The following EVI5 variants were observed in gnomAD, a reference collection of about 807,000 sequenced individuals.
EVI5 encodes the protein ecotropic viral integration site 5.
EVI5 carries 73 observed loss-of-function variants against 112.0 expected under a neutral mutation model. The observed-to-expected ratio is 0.65, with a 90% CI of 0.54 to 0.79. The LOEUF is 0.79. EVI5 is among the 30% of genes least tolerant of loss of function. The pLI, the probability that EVI5 is intolerant of heterozygous loss-of-function variation, is 0.00. For synonymous variants in EVI5, 305 were observed against 319.9 expected (o/e 0.95, Z 0.50); for missense variants, 900 against 968.8 (o/e 0.93, Z 0.94).
intron 2 of EVI5, 100 bp from the exon 3 acceptor site, chr1:92,704,844 T>C (rs1418203646): frequency 2.2e-6 from 1 of 454,902 alleles, no homozygotes; most frequent in Non-Finnish European, 3.8e-6. Flanking sequence ...TTAACCATTG[T>C]TTTAAAATAT....
chr1:92,701,560 T>G (rs1671149381), intron 5 of EVI5, among the ~76,000 whole-genome samples: 1 of 152,114 alleles, frequency 6.6e-6, no homozygotes, highest in Admixed American at 6.5e-5. Context: ...GCTGAAGAGA[T>G]AATACTATAT....
intron 19 of EVI5, among the ~76,000 whole-genome samples, chr1:92,518,282 A>C (rs1660298454): frequency 6.6e-6 from 1 of 152,196 alleles, no homozygotes; most frequent in African/African-American, 2.4e-5. Flanking sequence ...GCAACAACAA[A>C]AATTTTTTGT....
In EVI5 at chr1:92,607,660, T is replaced by G; in HGVS notation, c.1895A>C (p.Gln632Pro). The G allele has an allele frequency of 6.2e-7, 1 of 1,606,348 alleles. No individual in the cohort carries two copies. Among genetic ancestry groups the G allele is most frequent in the Non-Finnish European group, 8.5e-7 (1 of 1,175,576 alleles). The stretch of plus-strand genomic sequence containing the variant: ...TCCTTTGTTCTGTGCAGAAAGATAC[T>G]GCACTTTCTCCTGTAGGCTAATCAC... ...QEVISLQEKV[Q>P]YLSAQNKGLL... Residue 632 changes from glutamine (Q) to proline (P), a missense_variant, in exon 17 of 20, where the codon CAG becomes CCG. Gln to Pro is a moderately conservative substitution (Grantham distance 76). Transcript: ENST00000684568.
chr1:92,609,050 T>TA (rs1230288319), intron 16 of EVI5, among the ~76,000 whole-genome samples: 6 of 152,162 alleles, frequency 3.9e-5, no homozygotes, highest in East Asian at 1.9e-4. Context: ...CAGAATGTGC[T>TA]AAAAAAACAT....
intron 14 of EVI5, among the ~76,000 whole-genome samples, chr1:92,634,041 G>GA (rs1328971637): frequency 6.6e-6 from 1 of 152,216 alleles, no homozygotes; most frequent in East Asian, 1.9e-4. Context: ...TTTCTGCTGA[G>GA]AGATCAGCTG....
At chr1:92,561,083 A>C (rs1668454829) in intron 19 of EVI5, among the ~76,000 whole-genome samples, 1 of 152,154 alleles carries the variant, frequency 6.6e-6, no homozygotes, top group Non-Finnish European at 1.5e-5. Flanking sequence ...GAAATGTTTA[A>C]GTGACCAGGT....
rs183655308 is a variant in EVI5, at chr1:92,598,371, A to G, written c.2070+6936T>C. Among the ~76,000 whole-genome samples, 109 of 152,288 alleles carry G rather than the reference A, an allele frequency of 7.2e-4. 1 individual carries two copies. Among genetic ancestry groups the G allele is most frequent in the South Asian group, 4.1e-3 (20 of 4,822 alleles). On this transcript the variant is annotated intron_variant, in intron 18 of 19. Coordinates refer to ENST00000684568, the MANE Select transcript of EVI5 (RefSeq NM_001350197.2). Reference sequence around the variant, plus strand: ...GACATGTGTTTATCTACAAACCTTCACATGTACCCCCACATCTAAAATTTA... The same window carrying G: ...GACATGTGTTTATCTACAAACCTTCGCATGTACCCCCACATCTAAAATTTA...
intron 18 of EVI5, among the ~76,000 whole-genome samples, chr1:92,565,996 C>T (rs1297652229): frequency 1.5e-5 from 2 of 135,500 alleles, no homozygotes; most frequent in Non-Finnish European, 3.1e-5. Flanking sequence ...GAGTGGGTAG[C>T]ACTCCTATAG....
Position 92,721,073 on chromosome 1 carries a change from T to C in EVI5, c.149+15325A>G, listed in dbSNP as rs375828867. Among the ~76,000 whole-genome samples the C allele has an allele frequency of 7.3e-4, 111 of 152,274 alleles. 1 individual carries two copies. The East Asian group carries it at 0.019, about 26-fold the overall frequency. On this transcript the variant is annotated intron_variant, in intron 2 of 19. Transcript: ENST00000684568. The stretch of plus-strand genomic sequence containing the variant: ...GAGAAATAGGAATGCTTTTACACTG[T>C]TGGTGGGAGTGTAAATTAGTTCAAC...
At chr1:92,700,983 T>G (rs1197541759) in intron 5 of EVI5, 2 of 152,248 alleles carry the variant, frequency 1.3e-5, no homozygotes. Context: ...TTAACAAATC[T>G]AGTTTTGCAT....
At chr1:92,550,995 C>A (rs1419147407) in intron 19 of EVI5, among the ~76,000 whole-genome samples, 2 of 144,454 alleles carry the variant, frequency 1.4e-5, no homozygotes, top group East Asian at 2.0e-4. Context: ...AGATTAAGAA[C>A]CAGATAAATT....
In EVI5 at chr1:92,678,226, A is replaced by G. The variant is rs564277930; in HGVS notation, c.1098-1008T>C. On this transcript the variant is annotated intron_variant, in intron 9 of 19. Transcript: ENST00000684568. Reference sequence around the variant, plus strand: ...AAAATAAAGGTCAAAATTATTAAAAAGTAAAAATAATTTAAAACATGACAC... The same window carrying G: ...AAAATAAAGGTCAAAATTATTAAAAGGTAAAAATAATTTAAAACATGACAC... Among the ~76,000 whole-genome samples, 5 of 152,332 alleles carry G rather than the reference A, an allele frequency of 3.3e-5. No individual in the cohort carries two copies. In the South Asian group the frequency reaches 1.0e-3, roughly 32 times the overall value.
chr1:92,627,049 T>G (rs1655826071), intron 14 of EVI5, among the ~76,000 whole-genome samples: 2 of 152,092 alleles, frequency 1.3e-5, no homozygotes, highest in Admixed American at 1.3e-4. Flanking sequence ...GGGGTACAGG[T>G]GGTATTTGGT....
At chr1:92,538,620 A>C (rs187907518) in intron 19 of EVI5, among the ~76,000 whole-genome samples, 18 of 152,322 alleles carry the variant, frequency 1.2e-4, no homozygotes, top group Admixed American at 1.2e-3. Flanking sequence ...CCCTCAGTTA[A>C]AAATCTGAAG....
At chr1:92,595,459 A>C (rs187572981) in intron 18 of EVI5, among the ~76,000 whole-genome samples, 1 of 152,190 alleles carries the variant, frequency 6.6e-6, no homozygotes, top group African/African-American at 2.4e-5. Context: ...AGATATACCT[A>C]ATGTTAAATG....
At chr1:92,516,083 T>C (rs947066710) in intron 19 of EVI5, among the ~76,000 whole-genome samples, 1 of 152,238 alleles carries the variant, frequency 6.6e-6, no homozygotes, top group Non-Finnish European at 1.5e-5. Flanking sequence ...CACTGCATTG[T>C]TACAACTGCC....
rs752492911 is a variant in EVI5, at chr1:92,697,968, A to G, written c.657T>C (p.Ala219=). 6.2e-7 allele frequency: 1 copy of G among 1,611,738 alleles called. No homozygotes were observed. The highest frequency in any genetic ancestry group is 1.3e-5 in the African/African-American group (1 of 74,888). The change falls in exon 6 of 20, where the codon GCT becomes GCC. Residue 219 remains alanine, a synonymous_variant. Coordinates refer to ENST00000684568, the MANE Select transcript of EVI5 (RefSeq NM_001350197.2). The part of the protein sequence containing the change: ...LLLMQMPEEE[A]FCVFVKLMQD... Reference sequence around the variant, plus strand: ...GCATTAATTTAACAAATACACAGAAAGCTTCTTCTTCTGGCATCTACATTG... The same window carrying G: ...GCATTAATTTAACAAATACACAGAAGGCTTCTTCTTCTGGCATCTACATTG...
At chr1:92,714,396 T>C (rs1445188128) in intron 2 of EVI5, among the ~76,000 whole-genome samples, 2 of 152,222 alleles carry the variant, frequency 1.3e-5, no homozygotes, top group Non-Finnish European at 2.9e-5. Flanking sequence ...TACTTTGTTA[T>C]GCTACAAAGT....
intron 16 of EVI5, among the ~76,000 whole-genome samples, chr1:92,619,431 T>C (rs913869127): frequency 1.4e-4 from 19 of 140,038 alleles, no homozygotes; most frequent in African/African-American, 5.0e-4. Flanking sequence ...AAGTTAATAC[T>C]TGAAATAAAC....
Sources: allele counts gnomAD v4.1 joint callset (sites outside exome capture counted in the v4.1 genomes callset), GRCh38; gene constraint gnomAD v4.1.1; transcripts MANE v1.5; gene names NCBI Gene and HGNC (gene_info 2026-07-23, HGNC 2026-07-21).